Variants in FADS6 observed in about 807,000 individuals in gnomAD.
The protein encoded by FADS6 is fatty acid desaturase domain family, member 6.
FADS6 carries 28 observed loss-of-function variants against 31.7 expected under a neutral mutation model. The ratio of observed to expected loss-of-function variants is 0.88; its 90% CI spans 0.66 to 1.21. FADS6 has a LOEUF of 1.21. Among genes scored for constraint, FADS6 ranks in the 50% most tolerant of loss-of-function variants. The pLI, the probability that FADS6 is intolerant of heterozygous loss-of-function variation, is 0.00. For synonymous variants in FADS6, 191 were observed against 213.1 expected (o/e 0.90, Z 0.90); for missense variants, 494 against 504.2 (o/e 0.98, Z 0.19).
At chr17:74,881,939 CA>C (rs1426057572) in intron 3 of FADS6, among the ~76,000 whole-genome samples, 3 of 149,184 alleles carry the variant, frequency 2.0e-5, no homozygotes, top group African/African-American at 7.5e-5. Context: ...ATCTGCAAAG[CA>C]TTTTTTTTTT....
chr17:74,893,584 C>CGTGGGTTCCATGGACTCT lies in FADS6; in HGVS notation c.-7_11dup (p.Glu5_Pro6insSerMetGluProThrGlu), dbSNP rs772791123. ...TGGGCTCCGTAGGTTCCATCGGCTC[C>CGTGGGTTCCATGGACTCT]GTGGGTTCCATGGACTCTGTGGGCT... On this transcript the variant is annotated inframe_insertion, in exon 1 of 6. Coordinates refer to ENST00000612771, the MANE Select transcript of FADS6 (RefSeq NM_178128.6). 4 of 1,427,526 alleles carry CGTGGGTTCCATGGACTCT rather than the reference C, an allele frequency of 2.8e-6. No individual in the cohort carries two copies. Among genetic ancestry groups the CGTGGGTTCCATGGACTCT allele is most frequent in the African/African-American group, 1.6e-5 (1 of 61,286 alleles). 88.4% of individuals were successfully genotyped at this position (1,427,526 alleles called of 1,614,324 possible).
intron 3 of FADS6, among the ~76,000 whole-genome samples, chr17:74,881,779 AGAAAC>A (rs2038572768): frequency 1.3e-5 from 2 of 152,036 alleles, no homozygotes; most frequent in African/African-American, 4.8e-5. Context: ...AAACAAAGAA[AGAAAC>A]AGAAACATTA....
intron 4 of FADS6, among the ~76,000 whole-genome samples, chr17:74,880,477 C>T (rs981935939): frequency 1.2e-4 from 19 of 152,104 alleles, no homozygotes; most frequent in African/African-American, 4.3e-4. Context: ...GCTTCAGCCT[C>T]CCAGGTAGCT....
At chr17:74,879,251 G>C (rs745814102) in intron 5 of FADS6, 153 bp downstream of exon 5, 38 of 904,546 alleles carry the variant, frequency 4.2e-5, no homozygotes, top group Non-Finnish European at 5.8e-5. Context: ...TGCCCAGGCT[G>C]CTCTCAAACT....
chr17:74,889,721 A>T lies in FADS6; in HGVS notation c.411+2802T>A, dbSNP rs569068450. ...TCTCTACAAAAATACAAAAAAAAAA[A>T]TTAGCTGGACATGGTGGCGGGTGCC... On this transcript the variant is annotated intron_variant, in intron 2 of 5. Transcript: ENST00000612771. 6.6e-5 allele frequency among the ~76,000 whole-genome samples: 10 copies of T among 151,806 alleles called. No homozygotes were observed. The East Asian group carries it at 1.4e-3, about 21-fold the overall frequency.
At chr17:74,890,206 C>T (rs1195186971) in intron 2 of FADS6, among the ~76,000 whole-genome samples, 4 of 152,216 alleles carry the variant, frequency 2.6e-5, no homozygotes, top group Admixed American at 2.0e-4. Context: ...GATCCTTCCA[C>T]CTCGGCCTCC....
intron 5 of FADS6, among the ~76,000 whole-genome samples, chr17:74,878,787 C>G (rs2038534803): frequency 6.6e-6 from 1 of 152,216 alleles, no homozygotes; most frequent in Non-Finnish European, 1.5e-5. Context: ...AGATATATTT[C>G]TCCATTTCAT....
At chr17:74,889,870 CAAAAAAAAAAAAAA>C (rs59381032) in intron 2 of FADS6, among the ~76,000 whole-genome samples, 16 of 53,528 alleles carry the variant, frequency 3.0e-4, no homozygotes, top group African/African-American at 1.1e-3. Context: ...GACTCAGTCT[CAAAAAAAAAAAAAA>C]AAAAAAAAAA....
downstream of FADS6, among the ~76,000 whole-genome samples, chr17:74,876,368 A>C (rs1194389872): frequency 6.6e-6 from 1 of 152,074 alleles, no homozygotes; most frequent in South Asian, 2.1e-4. Context: ...AACTGGGTCA[A>C]CTCAGCAATG....
chr17:74,877,152 C>T (rs2038513942), downstream of FADS6: 1 of 152,248 alleles, frequency 6.6e-6, no homozygotes, highest in African/African-American at 2.4e-5. Context: ...GGTCATCCGT[C>T]CTCCGGACCC....
intron 3 of FADS6, among the ~76,000 whole-genome samples, chr17:74,881,961 G>T (rs547910216): frequency 8.4e-4 from 126 of 150,014 alleles, no homozygotes; most frequent in South Asian, 1.9e-3. Flanking sequence ...TTTTGAGACA[G>T]AGGCTCCTCT....
chr17:74,890,406 G>A (rs1374452455), intron 2 of FADS6, among the ~76,000 whole-genome samples: 1 of 152,140 alleles, frequency 6.6e-6, no homozygotes, highest in Admixed American at 6.5e-5. Flanking sequence ...GGCACCTGTG[G>A]GATGAAAAAA....
At chr17:74,888,167 C>CGG in intron 2 of FADS6, among the ~76,000 whole-genome samples, 1 of 145,362 alleles carries the variant, frequency 6.9e-6, no homozygotes, top group Admixed American at 6.9e-5. Flanking sequence ...CGCGCGCGCG[C>CGG]GCGCGCAGAG....
Position 74,878,283 on chromosome 17 carries a change from C to A in FADS6, c.*48G>T. The A allele has an allele frequency of 6.4e-7, 1 of 1,569,486 alleles. No homozygotes were observed. The highest frequency in any genetic ancestry group is 2.3e-5 in the East Asian group (1 of 43,146). ...CCTGGACCAGCAGCAGCAGGAGGGC[C>A]AGGGCCAGGCCAGGGAGGGGCAGGG... is the stretch of plus-strand genomic sequence containing the variant. On this transcript the variant is annotated 3_prime_UTR_variant, in exon 6 of 6. Transcript: ENST00000612771.
At chr17:74,887,689 A>C (rs1567928124) in intron 2 of FADS6, among the ~76,000 whole-genome samples, 2 of 152,144 alleles carry the variant, frequency 1.3e-5, no homozygotes, top group Non-Finnish European at 2.9e-5. Flanking sequence ...ATCAGGATTT[A>C]TTATTAATTA....
Position 74,885,046 on chromosome 17 carries a change from A to T in FADS6, c.412-2336T>A, listed in dbSNP as rs1283975780. ...CTTTTGAGAACTCACCGTCACTCTC[A>T]CCAAGACAACACCAAGGGGATACTG... On this transcript the variant is annotated intron_variant, in intron 2 of 5. Transcript: ENST00000612771. Among the ~76,000 whole-genome samples the T allele has an allele frequency of 3.3e-5, 5 of 152,028 alleles. No homozygotes were observed. The East Asian group carries it at 9.7e-4, about 29-fold the overall frequency.
In FADS6 at chr17:74,882,593, G is replaced by A. The variant is rs747154502; in HGVS notation, c.529C>T (p.Arg177Cys). ...GGAGCAAGGAACATGTAGACATAGC[G>A]GTTGAGGCAAGGCAGCCTCCACGTG... ...SSTWRLPCLN[R>C]YVYMFLAPFL... Residue 177 changes from arginine (R) to cysteine (C), a missense_variant, in exon 3 of 6, where the codon CGC (arginine) becomes TGC (cysteine). Arg to Cys is a radical substitution (Grantham distance 180, BLOSUM62 -3). This residue lies in a region of FADS6 where 454 missense variants were observed against 438.5 expected (regional missense o/e 1.04). Coordinates refer to ENST00000612771, the MANE Select transcript of FADS6 (RefSeq NM_178128.6). 44 of 1,611,876 alleles carry A rather than the reference G, an allele frequency of 2.7e-5. No individual in the cohort carries two copies. The highest frequency in any genetic ancestry group is 2.5e-4 in the East Asian group (11 of 44,834).
chr17:74,879,114 T>C (rs962708384), intron 5 of FADS6: 1 of 329,256 alleles, frequency 3.0e-6, no homozygotes, highest in Non-Finnish European at 5.6e-6. Flanking sequence ...TTATGGTTCA[T>C]TGCAGCCTCA....
At position 74,878,433 on chromosome 17, in the gene FADS6, C is replaced by T. The variant is rs369274979; in HGVS notation, c.1005G>A (p.Pro335=). ...GAGCCAGGTATGAGTCCTCGTTGTA[C>T]GGTAGCTGCTTCTCACGTAGGAACT... ...VSQFLREKQL[P]YNEDSYLARF... Residue 335 remains proline (P), a synonymous_variant, in exon 6 of 6, where the codon CCG becomes CCA. Coordinates refer to ENST00000612771, the MANE Select transcript of FADS6 (RefSeq NM_178128.6). The T allele has an allele frequency of 4.6e-5, 74 of 1,613,892 alleles. 1 individual carries two copies. In the Middle Eastern group the frequency reaches 6.6e-4, roughly 14 times the overall value.
Sources: allele counts gnomAD v4.1 joint callset (sites outside exome capture counted in the v4.1 genomes callset), GRCh38; gene constraint gnomAD v4.1.1; regional missense constraint gnomAD v4.1.1; transcripts MANE v1.5; gene names NCBI Gene and HGNC (gene_info 2026-07-23, HGNC 2026-07-21).